BCL9: variants seen among roughly 807,000 people sequenced by gnomAD.
BCL9 encodes the protein B-cell CLL/lymphoma 9 protein.
BCL9 carries 25 observed loss-of-function variants against 88.5 expected under a neutral mutation model. That is an observed-to-expected ratio of 0.28 (90% confidence interval 0.21 to 0.39). BCL9 has a LOEUF of 0.39. Ranked by LOEUF, BCL9 falls within the 10% of genes least tolerant of loss-of-function variation. The pLI is 1.00. For missense variants in BCL9, 1,817 were observed against 1,877.8 expected (o/e 0.97, Z 0.60); for synonymous variants, 711 against 673.3 (o/e 1.06, Z -0.87).
chr1:147,558,589 G>A (rs1487983973), intron 1 of BCL9, among the ~76,000 whole-genome samples: 1 of 152,038 alleles, frequency 6.6e-6, no homozygotes, highest in South Asian at 2.1e-4. Context: ...TGTTGGTCCT[G>A]GTTCTATCTG....
At chr1:147,623,089 C>T (rs587662832) in intron 9 of BCL9, among the ~76,000 whole-genome samples, 1 of 151,468 alleles carries the variant, frequency 6.6e-6, no homozygotes, top group East Asian at 2.0e-4. Context: ...AGAAAATGAT[C>T]AGGATGGTGA....
In BCL9 at chr1:147,625,278, G is replaced by A. The variant is rs587727886; in HGVS notation, c.*319G>A. 7 of 323,126 alleles carry A rather than the reference G, an allele frequency of 2.2e-5. No individual in the cohort carries two copies. Among genetic ancestry groups the A allele is most frequent in the Admixed American group, 8.9e-5 (2 of 22,454 alleles). 20.0% of individuals were successfully genotyped at this position (323,126 alleles called of 1,614,324 possible). ...ATTGCCATCGGTCATGTGTTGCACCGTTCTCTGTATGTTTACGTCCTTTGG... is the reference window on the plus strand; with the variant it reads ...ATTGCCATCGGTCATGTGTTGCACCATTCTCTGTATGTTTACGTCCTTTGG... On this transcript the variant is annotated 3_prime_UTR_variant, in exon 10 of 10. Transcript: ENST00000234739.
At chr1:147,543,077 G>A (rs1250489830) in intron 1 of BCL9, among the ~76,000 whole-genome samples, 1 of 152,152 alleles carries the variant, frequency 6.6e-6, no homozygotes, top group Non-Finnish European at 1.5e-5. Context: ...ACATCTTGAG[G>A]GATGGAACAG....
In BCL9 at chr1:147,625,234, CTG is replaced by C. The variant is rs1336114613; in HGVS notation, c.*277_*278del. 2.4e-6 allele frequency: 1 copy of C among 411,770 alleles called. No homozygotes were observed. The highest frequency in any genetic ancestry group is 4.0e-5 in the Admixed American group (1 of 24,868). 25.5% of individuals were successfully genotyped at this position (411,770 alleles called of 1,614,324 possible). On this transcript the variant is annotated 3_prime_UTR_variant, in exon 10 of 10. Transcript: ENST00000234739. Reference sequence around the variant, plus strand: ...AATGATGGCACCTACTTTTGGGAATCTGTAGCTGTGCTTTGAGAATTGCCATC... The same window carrying C: ...AATGATGGCACCTACTTTTGGGAATCTAGCTGTGCTTTGAGAATTGCCATC...
In BCL9 at chr1:147,620,082, C is replaced by G. The variant is rs189581138; in HGVS notation, c.1927C>G (p.Leu643Val). 1 of 1,614,172 alleles carries G rather than the reference C, an allele frequency of 6.2e-7. No homozygotes were observed. Among genetic ancestry groups the G allele is most frequent in the East Asian group, 2.2e-5 (1 of 44,862 alleles). ...GCAGCTGGCAGAGAAACAGCTGGGTCTCCCCCCAGGGATGGCCATGGAAGG... is the reference window on the plus strand; with the variant it reads ...GCAGCTGGCAGAGAAACAGCTGGGTGTCCCCCCAGGGATGGCCATGGAAGG... ...QQQLAEKQLG[L>V]PPGMAMEGIR... Residue 643 changes from leucine to valine, a missense_variant, in exon 8 of 10, where the codon CTC (leucine) becomes GTC (valine). By Grantham distance (32) the Leu-to-Val change is conservative (BLOSUM62 1). Transcript: ENST00000234739.
At chr1:147,552,300 A>C (rs1233760832) in intron 1 of BCL9, among the ~76,000 whole-genome samples, 5 of 152,310 alleles carry the variant, frequency 3.3e-5, no homozygotes, top group Admixed American at 3.3e-4. Flanking sequence ...ATAAAGTAGC[A>C]TTGTAATGAC....
At chr1:147,572,856 A>G (rs1006762163) in intron 1 of BCL9, among the ~76,000 whole-genome samples, 1 of 152,230 alleles carries the variant, frequency 6.6e-6, no homozygotes, top group Non-Finnish European at 1.5e-5. Flanking sequence ...CTGGGATTAT[A>G]GGCGTGAGCC....
At chr1:147,579,174 G>A (rs1656251707) in intron 1 of BCL9, among the ~76,000 whole-genome samples, 1 of 152,232 alleles carries the variant, frequency 6.6e-6, no homozygotes, top group Non-Finnish European at 1.5e-5. Flanking sequence ...CTGAAACTTG[G>A]TTTTCATCTT....
intron 1 of BCL9, among the ~76,000 whole-genome samples, chr1:147,600,864 C>T (rs1657351965): frequency 6.6e-6 from 1 of 152,098 alleles, no homozygotes; most frequent in African/African-American, 2.4e-5. Context: ...ATGTCTAGGT[C>T]ACTGAGTCAT....
At chr1:147,552,774 A>G (rs1245617860) in intron 1 of BCL9, among the ~76,000 whole-genome samples, 5 of 152,174 alleles carry the variant, frequency 3.3e-5, no homozygotes, top group African/African-American at 7.2e-5. Context: ...GAATCACACA[A>G]TGAAATACCC....
intron 1 of BCL9, among the ~76,000 whole-genome samples, chr1:147,551,635 G>A (rs1654909143): frequency 6.6e-6 from 1 of 151,746 alleles, no homozygotes; most frequent in Non-Finnish European, 1.5e-5. Context: ...TTGGGAGTGG[G>A]TTAGTTATCA....
At chr1:147,616,273 A>G (rs1377601116) in intron 7 of BCL9, among the ~76,000 whole-genome samples, 2 of 152,238 alleles carry the variant, frequency 1.3e-5, no homozygotes, top group Non-Finnish European at 2.9e-5. Flanking sequence ...AAGAACAGAA[A>G]AAAAGCAACA....
At chr1:147,607,594 C>T (rs1284147143) in intron 3 of BCL9, among the ~76,000 whole-genome samples, 1 of 152,190 alleles carries the variant, frequency 6.6e-6, no homozygotes, top group African/African-American at 2.4e-5. Context: ...TTAAGGGATT[C>T]TTCTCCTCTG....
At chr1:147,546,759 G>C (rs1027423) in intron 1 of BCL9, among the ~76,000 whole-genome samples, 9,236 of 152,236 alleles carry the variant, frequency 0.061, 341 homozygotes, top group East Asian at 0.18. Context: ...ATCTATCATA[G>C]CGACTATGTT....
At chr1:147,544,918 C>T (rs1036332071) in intron 1 of BCL9, among the ~76,000 whole-genome samples, 7 of 152,042 alleles carry the variant, frequency 4.6e-5, no homozygotes, top group Admixed American at 2.0e-4. Flanking sequence ...GTCATTTCCA[C>T]GGAGGCAGAT....
intron 1 of BCL9, among the ~76,000 whole-genome samples, chr1:147,559,232 T>C (rs1655260971): frequency 6.6e-6 from 1 of 152,106 alleles, no homozygotes; most frequent in African/African-American, 2.4e-5. Context: ...AATGAGATTT[T>C]TAAAAGTATT....
In BCL9 at chr1:147,624,769, G is replaced by A. The variant is rs1658846451; in HGVS notation, c.4091G>A (p.Gly1364Glu). Residue 1364 changes from glycine (G) to glutamate (E), a missense_variant, in exon 10 of 10, where the codon GGG becomes GAG. Transcript: ENST00000234739. The surrounding 1 kb of genome is among the most constrained non-coding windows in gnomAD (Gnocchi z 4.4). ...GGCATGATTCCTGGCAAGGATCGGG[G>A]GCCTGCCGGGCTCTACACCCACCCT... ...AVGMIPGKDR[G>E]PAGLYTHPGP... 1.2e-6 allele frequency: 2 copies of A among 1,612,808 alleles called. No homozygotes were observed. The highest frequency in any genetic ancestry group is 1.7e-6 in the Non-Finnish European group (2 of 1,179,390).
At chr1:147,577,619 C>A (rs587612393) in intron 1 of BCL9, among the ~76,000 whole-genome samples, 2 of 152,242 alleles carry the variant, frequency 1.3e-5, no homozygotes, top group East Asian at 3.9e-4. Context: ...GAAAATATAA[C>A]CACTAGAGCT....
At chr1:147,573,222 G>A (rs1490316816) in intron 1 of BCL9, among the ~76,000 whole-genome samples, 1 of 151,688 alleles carries the variant, frequency 6.6e-6, no homozygotes, top group Non-Finnish European at 1.5e-5. Flanking sequence ...AGGACCATGT[G>A]GGTGGATCAT....
Sources: gnomAD v4.1 joint callset for allele counts (sites outside exome capture counted in the v4.1 genomes callset) on GRCh38, gnomAD v4.1.1 for gene constraint, Gnocchi (gnomAD v3.1) non-coding constraint, MANE v1.5 for transcripts, NCBI Gene and HGNC (gene_info 2026-07-23, HGNC 2026-07-21) for gene names.